Variants in TMTC1 observed in about 807,000 individuals in gnomAD.
The protein encoded by TMTC1 is protein O-mannosyl-transferase TMTC1.
A neutral mutation model predicts 104.8 loss-of-function variants in TMTC1; 73 were observed. That is an observed-to-expected ratio of 0.70 (90% CI 0.58 to 0.85). The LOEUF is 0.85. Among genes scored for constraint, TMTC1 ranks in the 40% least tolerant of loss-of-function variants. TMTC1 has a pLI of 0.00. For synonymous variants in TMTC1, 434 were observed against 428.7 expected (o/e 1.01, Z -0.15); for missense variants, 1,035 against 1,096.1 (o/e 0.94, Z 0.79).
At chr12:29,779,696 T>A (rs2120665424) in intron 1 of TMTC1, among the ~76,000 whole-genome samples, 1 of 152,354 alleles carries the variant, frequency 6.6e-6, no homozygotes, top group Non-Finnish European at 1.5e-5. Context: ...AAAATATGTT[T>A]GGAGTATTGC....
intron 5 of TMTC1, among the ~76,000 whole-genome samples, chr12:29,684,415 A>G (rs888321747): frequency 2.0e-5 from 3 of 152,192 alleles, no homozygotes; most frequent in African/African-American, 7.2e-5. Context: ...TCATTTGACT[A>G]TATACATCAC....
At chr12:29,780,409 T>C (rs1943807201) in intron 1 of TMTC1, among the ~76,000 whole-genome samples, 1 of 152,206 alleles carries the variant, frequency 6.6e-6, no homozygotes, top group Non-Finnish European at 1.5e-5. Flanking sequence ...TTACATACTA[T>C]GTGATTCCAT....
chr12:29,767,538 A>T (rs1269448968), intron 2 of TMTC1, among the ~76,000 whole-genome samples: 1 of 152,246 alleles, frequency 6.6e-6, no homozygotes, highest in South Asian at 2.1e-4. Context: ...GACTTAAATT[A>T]TCTGCAAATA....
chr12:29,603,486 G>C (rs528938172), intron 7 of TMTC1, among the ~76,000 whole-genome samples: 1 of 152,034 alleles, frequency 6.6e-6, no homozygotes, highest in African/African-American at 2.4e-5. Context: ...GGCAAAAAAA[G>C]CTTTGTGTCT....
At chr12:29,509,686 A>G (rs1037217817) in intron 17 of TMTC1, among the ~76,000 whole-genome samples, 7 of 152,244 alleles carry the variant, frequency 4.6e-5, no homozygotes, top group African/African-American at 1.7e-4. Flanking sequence ...CTGATATTTG[A>G]CCACTTTAAA....
At chr12:29,522,752 T>C (rs1335127190) in intron 11 of TMTC1, among the ~76,000 whole-genome samples, 1 of 152,224 alleles carries the variant, frequency 6.6e-6, no homozygotes, top group Non-Finnish European at 1.5e-5. Flanking sequence ...AAGATTTGAC[T>C]GCGTGGATTC....
chr12:29,716,503 TA>T (rs1310348630), intron 5 of TMTC1, among the ~76,000 whole-genome samples: 1 of 152,156 alleles, frequency 6.6e-6, no homozygotes, highest in Non-Finnish European at 1.5e-5. Context: ...AATTGTTTAT[TA>T]AAAATATTCA....
At chr12:29,513,176 C>T (rs1387493764) in intron 16 of TMTC1, among the ~76,000 whole-genome samples, 1 of 152,150 alleles carries the variant, frequency 6.6e-6, no homozygotes, top group Non-Finnish European at 1.5e-5. Flanking sequence ...AAGATATGAC[C>T]TTTAAGCCTG....
chr12:29,702,089 G>C (rs961147679), intron 5 of TMTC1, among the ~76,000 whole-genome samples: 1 of 152,140 alleles, frequency 6.6e-6, no homozygotes, highest in Non-Finnish European at 1.5e-5. Flanking sequence ...TTTCAAAGGA[G>C]ATAGATGTGC....
chr12:29,600,008 A>ATATATTTTT (rs59108744), intron 7 of TMTC1, among the ~76,000 whole-genome samples: 1 of 118,686 alleles, frequency 8.4e-6, no homozygotes, highest in Non-Finnish European at 1.6e-5. Context: ...ATATATATAT[A>ATATATTTTT]TTTTTTTTTT....
intron 7 of TMTC1, among the ~76,000 whole-genome samples, chr12:29,596,611 A>G (rs1565697019): frequency 6.6e-6 from 1 of 152,344 alleles, no homozygotes; most frequent in South Asian, 2.1e-4. Flanking sequence ...CTTATACATA[A>G]GCACACACAT....
intron 7 of TMTC1, 36 bp from the exon 8 acceptor site, chr12:29,583,610 G>C: frequency 6.3e-7 from 1 of 1,587,730 alleles, no homozygotes; most frequent in South Asian, 1.1e-5. Flanking sequence ...GATTACTTTG[G>C]GGGTGCAATA....
At position 29,601,926 on chromosome 12, in the gene TMTC1, C is replaced by G. The variant is rs529998432; in HGVS notation, c.1250+2252G>C. Among the ~76,000 whole-genome samples the G allele has an allele frequency of 4.7e-5, 7 of 148,042 alleles. No individual in the cohort carries two copies. The South Asian group carries it at 1.3e-3, about 27-fold the overall frequency. On this transcript the variant is annotated intron_variant, in intron 7 of 17. Transcript: ENST00000539277. ...TCTCAGCTCACTGCAAGTTCCGCCTCCCGGGTTCACACCATTCTCCTTCCT... is the reference window on the plus strand; with the variant it reads ...TCTCAGCTCACTGCAAGTTCCGCCTGCCGGGTTCACACCATTCTCCTTCCT...
chr12:29,571,752 T>C (rs1298225408), intron 9 of TMTC1, among the ~76,000 whole-genome samples: 1 of 152,166 alleles, frequency 6.6e-6, no homozygotes, highest in Non-Finnish European at 1.5e-5. Context: ...TCTATATGCA[T>C]ACCATTAAAA....
At chr12:29,760,716 A>C (rs1943323980) in intron 2 of TMTC1, among the ~76,000 whole-genome samples, 1 of 151,810 alleles carries the variant, frequency 6.6e-6, no homozygotes, top group African/African-American at 2.4e-5. Flanking sequence ...ATATAAATGA[A>C]TATATATTAC....
At chr12:29,600,763 G>C (rs1946543361) in intron 7 of TMTC1, among the ~76,000 whole-genome samples, 1 of 152,158 alleles carries the variant, frequency 6.6e-6, no homozygotes, top group South Asian at 2.1e-4. Context: ...TGCTCCGGTG[G>C]CTCTGGCATC....
chr12:29,697,324 A>G (rs1298428543), intron 5 of TMTC1, among the ~76,000 whole-genome samples: 2 of 152,016 alleles, frequency 1.3e-5, no homozygotes, highest in Non-Finnish European at 2.9e-5. Flanking sequence ...TCTTGGTTAT[A>G]CTCTAAGCTT....
chr12:29,779,114 C>G (rs76202914), intron 1 of TMTC1, among the ~76,000 whole-genome samples: 1 of 152,184 alleles, frequency 6.6e-6, no homozygotes, highest in African/African-American at 2.4e-5. Context: ...AGCTGAAAGA[C>G]GAGATCTGGA....
intron 10 of TMTC1, among the ~76,000 whole-genome samples, chr12:29,553,237 C>T (rs1322047300): frequency 6.6e-6 from 1 of 152,150 alleles, no homozygotes; most frequent in Non-Finnish European, 1.5e-5. Flanking sequence ...ATGGCCTGAG[C>T]CAAGGTCACA....
Sources: gnomAD v4.1 joint callset for allele counts (sites outside exome capture counted in the v4.1 genomes callset) on GRCh38, gnomAD v4.1.1 for gene constraint, MANE v1.5 for transcripts, NCBI Gene and HGNC (gene_info 2026-07-23, HGNC 2026-07-21) for gene names.